ARID3A: variants seen among roughly 807,000 people sequenced by gnomAD.
ARID3A encodes the protein AT-rich interaction domain 3A.
Under a neutral mutation model 52.7 loss-of-function variants are expected in ARID3A, and 11 were observed. That is an observed-to-expected ratio of 0.21 (90% confidence interval 0.13 to 0.35). ARID3A has a LOEUF of 0.35. ARID3A is among the 10% of genes least tolerant of loss of function. The pLI is 1.00. For missense variants in ARID3A, 721 were observed against 838.5 expected (o/e 0.86, Z 1.73); for synonymous variants, 404 against 359.4 (o/e 1.12, Z -1.40).
intron 8 of ARID3A, chr19:968,777 C>T (rs1480527415): frequency 1.6e-5 from 5 of 319,218 alleles, no homozygotes; most frequent in East Asian, 5.8e-5. Flanking sequence ...TTTAATGAGA[C>T]GGAGTCTTGC....
At chr19:940,684 C>T (rs1056233138) in intron 3 of ARID3A, among the ~76,000 whole-genome samples, 3 of 152,174 alleles carry the variant, frequency 2.0e-5, no homozygotes, top group African/African-American at 4.8e-5. Flanking sequence ...ACAGAGGCAG[C>T]GGCTGTGTTT....
At chr19:948,203 G>A (rs553535794) in intron 3 of ARID3A, among the ~76,000 whole-genome samples, 40 of 151,058 alleles carry the variant, frequency 2.6e-4, no homozygotes, top group African/African-American at 3.9e-4. Context: ...CGGGAAGTCC[G>A]GGCCCTTTTT....
chr19:943,927 C>T (rs1405343750), intron 3 of ARID3A, among the ~76,000 whole-genome samples: 1 of 152,132 alleles, frequency 6.6e-6, no homozygotes, highest in African/African-American at 2.4e-5. Context: ...TACGGGGCAC[C>T]TGCTGTATGC....
In ARID3A at chr19:944,325, G is replaced by GGGGTGTGTGTGT. The variant is rs1555727927; in HGVS notation, c.693+11584_693+11585insGGTGTGTGTGTG. Reference sequence around the variant, plus strand: ...TCTGGCTGCAGGGGCGCGTCCAGGGGGTGTGTGTGTGTGTGTGTGTGTGTC... The same window carrying GGGGTGTGTGTGT: ...TCTGGCTGCAGGGGCGCGTCCAGGGGGGGTGTGTGTGTGTGTGTGTGTGTGTGTGTGTGTGTC... On this transcript the variant is annotated intron_variant, in intron 3 of 8. Transcript: ENST00000263620. The surrounding 1 kb of genome is among the most constrained non-coding windows in gnomAD (Gnocchi z 5.9). 2.0e-4 allele frequency among the ~76,000 whole-genome samples: 30 copies of GGGGTGTGTGTGT among 149,840 alleles called. No homozygotes were observed. The highest frequency in any genetic ancestry group is 7.3e-4 in the Admixed American group (11 of 15,068).
chr19:933,173 C>T lies in ARID3A; in HGVS notation c.693+431C>T, dbSNP rs377458703. On this transcript the variant is annotated intron_variant, in intron 3 of 8. Coordinates refer to ENST00000263620, the MANE Select transcript of ARID3A (RefSeq NM_005224.3). The stretch of plus-strand genomic sequence containing the variant: ...CTGTCCCCTGGCATCTGTGGAGAGC[C>T]GTGGGGGGTTGCGGGCTGCAGCTGG... 3.2e-3 allele frequency among the ~76,000 whole-genome samples: 488 copies of T among 152,136 alleles called. 1 individual carries two copies. The highest frequency in any genetic ancestry group is 0.013 in the South Asian group (61 of 4,814).
In ARID3A at chr19:964,557, G is replaced by A. The variant is rs1419762965; in HGVS notation, c.950+126G>A. 9 of 1,322,918 alleles carry A rather than the reference G, an allele frequency of 6.8e-6. No homozygotes were observed. The highest frequency in any genetic ancestry group is 9.2e-6 in the Non-Finnish European group (9 of 982,186). The allele number at this position is 1,322,918 out of a possible 1,614,324, so 81.9% of individuals were successfully genotyped here. A position where few individuals can be genotyped will look rare whatever the true frequency, so the allele number is the denominator to read the frequency against. On this transcript the variant is annotated intron_variant, in intron 5 of 8. Transcript: ENST00000263620. The surrounding 1 kb of genome is among the most constrained non-coding windows in gnomAD (Gnocchi z 5.7). ...GAGGGGGCAGTGGGCAGCCGCAAAG[G>A]GCACAGGGCCACACCGTGCGTCCAG...
intron 1 of ARID3A, among the ~76,000 whole-genome samples, chr19:926,379 T>TG (rs2037198659): frequency 6.6e-6 from 1 of 151,404 alleles, no homozygotes; most frequent in South Asian, 2.1e-4. Context: ...GCACCCCGCT[T>TG]GGAGACTTCA....
chr19:940,892 G>A (rs999304317), intron 3 of ARID3A, among the ~76,000 whole-genome samples: 3 of 151,998 alleles, frequency 2.0e-5, no homozygotes, highest in African/African-American at 4.8e-5. Context: ...TGCTGGCGCC[G>A]GGCCAGCTGG....
intron 3 of ARID3A, among the ~76,000 whole-genome samples, chr19:934,967 G>A (rs964048419): frequency 3.9e-5 from 6 of 152,262 alleles, no homozygotes; most frequent in South Asian, 2.1e-4. Flanking sequence ...GCCGCCGCCC[G>A]CCCAGCTGGC....
At chr19:945,031 G>A (rs546593279) in intron 3 of ARID3A, among the ~76,000 whole-genome samples, 105 of 152,228 alleles carry the variant, frequency 6.9e-4, no homozygotes, top group African/African-American at 2.4e-3. Flanking sequence ...CCTAGCTGGC[G>A]CCCTGCCCAG....
At chr19:935,302 T>C (rs1350121333) in intron 3 of ARID3A, among the ~76,000 whole-genome samples, 3 of 152,100 alleles carry the variant, frequency 2.0e-5, no homozygotes, top group Admixed American at 1.3e-4. Context: ...GGTTCTTTCC[T>C]TGGACACCTG....
intron 3 of ARID3A, among the ~76,000 whole-genome samples, chr19:951,757 G>A (rs1006366761): frequency 1.8e-4 from 28 of 152,158 alleles, no homozygotes; most frequent in Admixed American, 1.8e-3. Flanking sequence ...CTGAGCATCC[G>A]CAGACCTATA....
rs2037557447 is a variant in ARID3A, at chr19:941,649, A to G, written c.693+8907A>G. ...TTAACTATAAAGATGGGGTCTTGCC[A>G]TCATGTTGCCCAGCCTGGTCTCAAA... is the stretch of plus-strand genomic sequence containing the variant. On this transcript the variant is annotated intron_variant, in intron 3 of 8. Transcript: ENST00000263620. The surrounding 1 kb of genome is among the most constrained non-coding windows in gnomAD (Gnocchi z 6.9). Among the ~76,000 whole-genome samples the G allele has an allele frequency of 2.0e-5, 3 of 151,988 alleles. No individual in the cohort carries two copies. In the South Asian group the frequency reaches 6.2e-4, roughly 32 times the overall value.
intron 3 of ARID3A, among the ~76,000 whole-genome samples, chr19:940,109 G>A (rs2037516050): frequency 1.3e-5 from 2 of 152,090 alleles, no homozygotes; most frequent in South Asian, 4.1e-4. Context: ...CTGGGGCTTT[G>A]CAGGATGTGT....
chr19:945,752 C>T (rs2037664547), intron 3 of ARID3A, among the ~76,000 whole-genome samples: 1 of 152,182 alleles, frequency 6.6e-6, no homozygotes, highest in Admixed American at 6.5e-5. Context: ...GGGACGGCGT[C>T]GACATGGCCG....
In ARID3A at chr19:932,625, G is replaced by A. The variant is rs936289656; in HGVS notation, c.576G>A (p.Leu192=). 1.3e-6 allele frequency: 2 copies of A among 1,532,698 alleles called. No individual in the cohort carries two copies. Among genetic ancestry groups the A allele is most frequent in the Non-Finnish European group, 1.8e-6 (2 of 1,141,220 alleles). 94.9% of individuals were successfully genotyped at this position (1,532,698 alleles called of 1,614,324 possible). Residue 192 remains leucine, a synonymous_variant, in exon 3 of 9, where the codon CTG becomes CTA. Coordinates refer to ENST00000263620, the MANE Select transcript of ARID3A (RefSeq NM_005224.3). The part of the protein sequence containing the change: ...AFRGDGVPRV[L]GGQERPGPGP... ...GCGGCGATGGCGTTCCCAGGGTGCT[G>A]GGGGGCCAGGAGCGGCCGGGGCCTG...
rs565352850 is a variant in ARID3A, at chr19:966,627, G to A, written c.1254G>A (p.Ala418=). Residue 418 remains alanine (A), a synonymous_variant, in exon 7 of 9, where the codon GCG becomes GCA. Transcript: ENST00000263620. ...TVPGRLPVSL[A]GHPVVAAQAA... ...CTGGCCGCCTGCCTGTGTCCCTGGC[G>A]GGCCACCCTGTGGTGGCAGCCCAGG... 2.2e-5 allele frequency: 35 copies of A among 1,596,604 alleles called. No individual in the cohort carries two copies. The highest frequency in any genetic ancestry group is 1.7e-4 in the Middle Eastern group (1 of 6,004).
intron 6 of ARID3A, among the ~76,000 whole-genome samples, chr19:965,886 G>A (rs532847848): frequency 7.2e-5 from 11 of 152,010 alleles, no homozygotes; most frequent in African/African-American, 2.4e-4. Context: ...CAGCTACTTG[G>A]GAGGCTGAGG....
At chr19:927,344 G>C (rs1399951212) in intron 1 of ARID3A, among the ~76,000 whole-genome samples, 2 of 86,984 alleles carry the variant, frequency 2.3e-5, no homozygotes, top group African/African-American at 9.7e-5. Flanking sequence ...GGTGGGCGTA[G>C]CTAGTTTAGG....
Sources: gnomAD v4.1 joint callset for allele counts (sites outside exome capture counted in the v4.1 genomes callset) on GRCh38, gnomAD v4.1.1 for gene constraint, Gnocchi (gnomAD v3.1) non-coding constraint, MANE v1.5 for transcripts, NCBI Gene and HGNC (gene_info 2026-07-23, HGNC 2026-07-21) for gene names.